Variants in PRR35 observed in about 807,000 individuals in gnomAD.
PRR35 encodes proline rich 35.
In PRR35, 14 loss-of-function variants were observed where a neutral mutation model predicts 18.6. The observed-to-expected ratio is 0.75, with a 90% CI of 0.50 to 1.18. The LOEUF (loss-of-function observed/expected upper bound fraction) is 1.18, where lower values mean the gene tolerates loss of function less well. PRR35 is among the 50% of genes most tolerant of loss of function. The probability of loss-of-function intolerance (pLI) is 0.00; values close to 1 mark genes in which losing one functional copy is unlikely to be tolerated. For missense variants in PRR35, 832 were observed against 792.2 expected (o/e 1.05, Z -0.60); for synonymous variants, 425 against 378.2 (o/e 1.12, Z -1.43).
In PRR35 at chr16:565,344, G is replaced by C; in HGVS notation, c.*37G>C. The C allele has an allele frequency of 1.4e-6, 2 of 1,431,880 alleles. No individual in the cohort carries two copies. Among genetic ancestry groups the C allele is most frequent in the Non-Finnish European group, 1.8e-6 (2 of 1,091,430 alleles). 88.7% of individuals were successfully genotyped at this position (1,431,880 alleles called of 1,614,324 possible). ...TGAGGTCTGACTGTCTCTGCCTGCAGCATGCCGGCCCCTCTCCTGCAGCCC... is the reference window on the plus strand; with the variant it reads ...TGAGGTCTGACTGTCTCTGCCTGCACCATGCCGGCCCCTCTCCTGCAGCCC... On this transcript the variant is annotated 3_prime_UTR_variant, in exon 3 of 3. Coordinates refer to ENST00000409413, the MANE Select transcript of PRR35 (RefSeq NM_145270.3).
chr16:559,889 C>T (rs1596372425), upstream of PRR35: 3 of 425,180 alleles, frequency 7.1e-6, no homozygotes, highest in African/African-American at 2.1e-5. Context: ...CCCGGCTCCG[C>T]TGGCTCAGTC....
At chr16:562,404 G>A (rs905278147) in intron 1 of PRR35, among the ~76,000 whole-genome samples, 5 of 152,284 alleles carry the variant, frequency 3.3e-5, no homozygotes, top group South Asian at 4.1e-4. Context: ...GCTCTGTGCC[G>A]CCTTTAGACA....
Position 564,094 on chromosome 16 carries a change from C to A in PRR35, c.800C>A (p.Pro267Gln). Residue 267 changes from proline to glutamine, a missense_variant, in exon 2 of 3, where the codon CCG becomes CAG. Pro to Gln is a moderately conservative substitution (Grantham distance 76). Around this residue, in one of 3 missense-constraint regions of PRR35, gnomAD observed 768 missense variants for 704.1 expected, o/e 1.09. Coordinates refer to ENST00000409413, the MANE Select transcript of PRR35 (RefSeq NM_145270.3). ...RPTPAPRLYYPLLLEHTLGLP... is the reference protein window; with the variant it reads ...RPTPAPRLYYQLLLEHTLGLP... Reference sequence around the variant, plus strand: ...ACCCCGGCCCCCCGCCTGTACTACCCGCTGCTTCTGGAGCACACTCTGGGG... The same window carrying A: ...ACCCCGGCCCCCCGCCTGTACTACCAGCTGCTTCTGGAGCACACTCTGGGG... 1.3e-6 allele frequency: 2 copies of A among 1,569,438 alleles called. No individual in the cohort carries two copies. Among genetic ancestry groups the A allele is most frequent in the Non-Finnish European group, 1.7e-6 (2 of 1,165,370 alleles).
At chr16:562,752 G>T (rs925288093) in intron 1 of PRR35, among the ~76,000 whole-genome samples, 1 of 152,234 alleles carries the variant, frequency 6.6e-6, no homozygotes, top group Admixed American at 6.5e-5. Flanking sequence ...ACGTCCACCC[G>T]AAGTGAGCTC....
intron 1 of PRR35, among the ~76,000 whole-genome samples, chr16:562,042 T>C (rs1209001451): frequency 6.6e-6 from 1 of 152,196 alleles, no homozygotes; most frequent in Non-Finnish European, 1.5e-5. Context: ...GAGGGCTCTG[T>C]GTGAGCCTGT....
Position 564,717 on chromosome 16 carries a change from G to A in PRR35, c.1126G>A (p.Asp376Asn). 1 of 1,533,810 alleles carries A rather than the reference G, an allele frequency of 6.5e-7. No homozygotes were observed. The highest frequency in any genetic ancestry group is 8.7e-7 in the Non-Finnish European group (1 of 1,146,408). Reference sequence around the variant, plus strand: ...TGTGATGCTGTGGCCTGAGGACGGGGATCCAGGCGGCCCTGAGACCCCCGG... The same window carrying A: ...TGTGATGCTGTGGCCTGAGGACGGGAATCCAGGCGGCCCTGAGACCCCCGG... ...SSVMLWPEDGDPGGPETPGPE... is the reference protein window; with the variant it reads ...SSVMLWPEDGNPGGPETPGPE... The change falls in exon 3 of 3, where the codon GAT (aspartate) becomes AAT (asparagine). Residue 376 changes from aspartate (D) to asparagine (N), a missense_variant. Physicochemically the swap from Asp to Asn is conservative, Grantham distance 23 (BLOSUM62 1). Transcript: ENST00000409413.
upstream of PRR35, among the ~76,000 whole-genome samples, chr16:560,163 C>T (rs954708024): frequency 6.6e-6 from 1 of 150,852 alleles, no homozygotes; most frequent in African/African-American, 2.4e-5. Flanking sequence ...CGCTCTCCGT[C>T]CGCTGCCTCC....
Position 564,911 on chromosome 16 carries a change from G to T in PRR35, c.1320G>T (p.Leu440=). The T allele has an allele frequency of 6.3e-7, 1 of 1,596,440 alleles. No individual in the cohort carries two copies. The highest frequency in any genetic ancestry group is 8.5e-7 in the Non-Finnish European group (1 of 1,175,180). ...GLAPRPLREQ[L]GKIRLELLTI... ...CCCCGAGACCCCTGCGGGAGCAGCT[G>T]GGCAAGATCCGCCTGGAGCTGCTCA... The change falls in exon 3 of 3, where the codon CTG becomes CTT. Residue 440 remains leucine, a synonymous_variant. Transcript: ENST00000409413.
At position 563,923 on chromosome 16, in the gene PRR35, G is replaced by C; in HGVS notation, c.629G>C (p.Gly210Ala). The C allele has an allele frequency of 6.3e-7, 1 of 1,592,286 alleles. No individual in the cohort carries two copies. Among genetic ancestry groups the C allele is most frequent in the Non-Finnish European group, 8.5e-7 (1 of 1,170,720 alleles). ...EAHSLHLSLL[G>A]VNYPLSPGLF... is the part of the protein sequence containing the mutation. Reference sequence around the variant, plus strand: ...CACAGCCTCCACCTGTCTCTGCTGGGCGTCAACTACCCGCTCAGCCCCGGC... The same window carrying C: ...CACAGCCTCCACCTGTCTCTGCTGGCCGTCAACTACCCGCTCAGCCCCGGC... Residue 210 changes from glycine to alanine, a missense_variant, in exon 2 of 3, where the codon GGC (glycine) becomes GCC (alanine). Coordinates refer to ENST00000409413, the MANE Select transcript of PRR35 (RefSeq NM_145270.3).
Position 562,590 on chromosome 16 carries a change from C to CAG in PRR35, c.-39-665_-39-664insGA, listed in dbSNP as rs200691767. Reference sequence around the variant, plus strand: ...GTGCATGCACACGCACACATGCACACACACAGACACACACAGGCACACACA... The same window carrying CAG: ...GTGCATGCACACGCACACATGCACACAGACACAGACACACACAGGCACACACA... On this transcript the variant is annotated intron_variant, in intron 1 of 2. Transcript: ENST00000409413. 2.0e-4 allele frequency among the ~76,000 whole-genome samples: 17 copies of CAG among 83,674 alleles called. No homozygotes were observed. In the East Asian group the frequency reaches 5.9e-3, roughly 29 times the overall value. The allele number at this position is 83,674 out of a possible 152,430, so 54.9% of individuals were successfully genotyped here.
chr16:562,520 G>T (rs62034769), intron 1 of PRR35, among the ~76,000 whole-genome samples: 15 of 121,936 alleles, frequency 1.2e-4, no homozygotes, highest in African/African-American at 5.5e-4. Context: ...TGCACACACA[G>T]GCGCACACAC....
chr16:563,461 T>C lies in PRR35; in HGVS notation c.167T>C (p.Met56Thr), dbSNP rs965435076. Residue 56 changes from methionine to threonine, a missense_variant, in exon 2 of 3, where the codon ATG becomes ACG. Transcript: ENST00000409413. ...CLEKSHLYNH[M>T]KYSLCKDSLS... ...GAGAAGTCACACCTCTACAACCACA[T>C]GAAGTACAGCCTCTGCAAGGACTCC... 6.2e-7 allele frequency: 1 copy of C among 1,612,446 alleles called. No individual in the cohort carries two copies. Among genetic ancestry groups the C allele is most frequent in the Non-Finnish European group, 8.5e-7 (1 of 1,179,620 alleles).
intron 1 of PRR35, among the ~76,000 whole-genome samples, chr16:562,743 C>T (rs746326167): frequency 2.8e-4 from 43 of 152,222 alleles, no homozygotes; most frequent in Non-Finnish European, 4.8e-4. Flanking sequence ...AGGAGGCTGA[C>T]GTCCACCCGA....
chr16:561,953 G>A (rs1402239216), intron 1 of PRR35, among the ~76,000 whole-genome samples: 1 of 152,216 alleles, frequency 6.6e-6, no homozygotes, highest in African/African-American at 2.4e-5. Flanking sequence ...TGAGGTGTGT[G>A]CAGCCAGGGC....
At position 563,369 on chromosome 16, in the gene PRR35, C is replaced by T; in HGVS notation, c.75C>T (p.His25=). ...RARSRKPKKP[H]YIPRPWGKPY... ...GGTCTCGGAAGCCCAAGAAGCCACA[C>T]TACATCCCGCGGCCCTGGGGCAAAC... is the stretch of plus-strand genomic sequence containing the variant. The change falls in exon 2 of 3, where the codon CAC becomes CAT. Residue 25 remains histidine, a synonymous_variant. Transcript: ENST00000409413. 2 of 1,612,350 alleles carry T rather than the reference C, an allele frequency of 1.2e-6. No homozygotes were observed. Among genetic ancestry groups the T allele is most frequent in the East Asian group, 2.2e-5 (1 of 44,882 alleles).
At position 563,891 on chromosome 16, in the gene PRR35, T is replaced by C. The variant is rs749712433; in HGVS notation, c.597T>C (p.Pro199=). 3.8e-6 allele frequency: 6 copies of C among 1,582,484 alleles called. No individual in the cohort carries two copies. The highest frequency in any genetic ancestry group is 5.1e-6 in the Non-Finnish European group (6 of 1,165,474). The change falls in exon 2 of 3, where the codon CCT becomes CCC. Residue 199 remains proline, a synonymous_variant. Transcript: ENST00000409413. ...CCCCGCCTGCCCCAGGGGAGTTCCC[T>C]GAGGCCCACAGCCTCCACCTGTCTC... ...CYPPPAPGEF[P]EAHSLHLSLL...
chr16:560,873 C>A (rs2035421966), intron 1 of PRR35, among the ~76,000 whole-genome samples: 1 of 148,754 alleles, frequency 6.7e-6, no homozygotes. Flanking sequence ...GGTCTGGGGT[C>A]TGGGGCAGAC....
rs2035483948 is a variant in PRR35 at position 563,818 on chromosome 16, CG to C, written c.529del (p.Asp177ThrfsTer126). On this transcript the variant is annotated frameshift_variant, in exon 2 of 3. Transcript: ENST00000409413. LOFTEE classifies it high-confidence loss of function. ...GGAGGGGACCCAAGGGGCGTGGGTG[CG>C]GGGGACATGGCCTCAGCAGGCCCTG... is the stretch of plus-strand genomic sequence containing the variant. ...GMGGDPRGVG[A>X]GDMASAGPEG... The C allele has an allele frequency of 2.0e-6, 3 of 1,505,492 alleles. No individual in the cohort carries two copies. Among genetic ancestry groups the C allele is most frequent in the South Asian group, 1.3e-5 (1 of 77,220 alleles). 93.3% of individuals were successfully genotyped at this position (1,505,492 alleles called of 1,614,324 possible).
chr16:560,471 C>T lies in PRR35; in HGVS notation c.-230C>T, dbSNP rs1417930580. On this transcript the variant is annotated 5_prime_UTR_variant, in exon 1 of 3. Coordinates refer to ENST00000409413, the MANE Select transcript of PRR35 (RefSeq NM_145270.3). ...GCGGGAGTCGCTGCCGCTCGAGGGA[C>T]CGCGGACCCGGGAGGTCCGGCTCCC... 1.0e-6 allele frequency: 1 copy of T among 982,354 alleles called. No homozygotes were observed. Among genetic ancestry groups the T allele is most frequent in the Non-Finnish European group, 1.2e-6 (1 of 828,790 alleles). 60.9% of individuals were successfully genotyped at this position (982,354 alleles called of 1,614,324 possible). A position where few individuals can be genotyped will look rare whatever the true frequency, so the allele number is the denominator to read the frequency against.
Sources: gnomAD v4.1 joint callset for allele counts (sites outside exome capture counted in the v4.1 genomes callset) on GRCh38, gnomAD v4.1.1 for gene constraint, gnomAD v4.1.1 regional missense constraint, MANE v1.5 for transcripts, NCBI Gene and HGNC (gene_info 2026-07-23, HGNC 2026-07-21) for gene names.